The following AGBL4 variants were observed in gnomAD, a reference collection of about 807,000 sequenced individuals.
AGBL4 encodes the protein cytosolic carboxypeptidase 6.
A neutral mutation model predicts 66.4 loss-of-function variants in AGBL4; 58 were observed. The observed-to-expected ratio is 0.87, with a 90% confidence interval of 0.71 to 1.09. AGBL4 has a LOEUF of 1.09. Among genes scored for constraint, AGBL4 ranks in the 50% least tolerant of loss-of-function variants. The pLI is 0.00. For synonymous variants in AGBL4, 234 were observed against 222.9 expected (o/e 1.05, Z -0.44); for missense variants, 579 against 631.0 (o/e 0.92, Z 0.88).
intron 6 of AGBL4, among the ~76,000 whole-genome samples, chr1:48,670,249 A>G (rs1646255684): frequency 6.6e-6 from 1 of 152,218 alleles, no homozygotes; most frequent in Non-Finnish European, 1.5e-5. Flanking sequence ...AGACTCACAG[A>G]GGCCATCAGA....
chr1:48,992,774 A>G (rs1046746214), intron 5 of AGBL4, among the ~76,000 whole-genome samples: 3 of 151,982 alleles, frequency 2.0e-5, no homozygotes, highest in African/African-American at 7.3e-5. Context: ...CACAGGGCCC[A>G]TGAGGAGTAC....
chr1:49,420,422 C>T (rs769553015), intron 3 of AGBL4, among the ~76,000 whole-genome samples: 3 of 151,950 alleles, frequency 2.0e-5, no homozygotes, highest in Non-Finnish European at 2.9e-5. Flanking sequence ...CTGTATTGGC[C>T]GGGTGCAGTG....
chr1:48,837,026 ATAAG>A (rs1646692303), intron 6 of AGBL4, among the ~76,000 whole-genome samples: 2 of 148,284 alleles, frequency 1.3e-5, no homozygotes, highest in African/African-American at 2.4e-5. Flanking sequence ...ATTATATAAC[ATAAG>A]TAATATGATA....
At chr1:49,460,221 A>G (rs1263711359) in intron 3 of AGBL4, among the ~76,000 whole-genome samples, 1 of 151,626 alleles carries the variant, frequency 6.6e-6, no homozygotes, top group African/African-American at 2.4e-5. Flanking sequence ...GTTGCTATCT[A>G]CCTCATTTCT....
At chr1:48,660,767 A>C (rs1386064163) in intron 7 of AGBL4, among the ~76,000 whole-genome samples, 1 of 152,150 alleles carries the variant, frequency 6.6e-6, no homozygotes, top group Non-Finnish European at 1.5e-5. Flanking sequence ...GACTTTGGGT[A>C]AGCCATTGTG....
intron 2 of AGBL4, among the ~76,000 whole-genome samples, chr1:49,762,127 A>G (rs568176870): frequency 6.1e-4 from 93 of 152,154 alleles, no homozygotes; most frequent in African/African-American, 1.8e-3. Flanking sequence ...TGGCATTTCT[A>G]TTTTTAATTT....
In AGBL4 at chr1:49,462,413, T is replaced by C. The variant is rs1006184341; in HGVS notation, c.283-216549A>G. ...AGAGTGAGGAACCACACTGACCACA[T>C]TGAAATGAAATACAGACCAGCTGAC... On this transcript the variant is annotated intron_variant, in intron 3 of 13. Transcript: ENST00000371839. 5.9e-5 allele frequency among the ~76,000 whole-genome samples: 9 copies of C among 151,772 alleles called. No individual in the cohort carries two copies. The East Asian group carries it at 9.8e-4, about 16-fold the overall frequency.
chr1:49,697,422 AC>A lies in AGBL4; in HGVS notation c.172del (p.Val58TrpfsTer33). ...ACFESGNLGR[V>X]DQVSEFEYDL... ...ATACTCAAACTCAGAGACCTGGTCC[AC>A]CCGGCCCAGGTTACCTGGTAATAAA... On this transcript the variant is annotated frameshift_variant, in exon 3 of 14. Coordinates refer to ENST00000371839, the MANE Select transcript of AGBL4 (RefSeq NM_032785.4). LOFTEE classifies it high-confidence loss of function. 2.0e-6 allele frequency: 3 copies of A among 1,521,142 alleles called. No individual in the cohort carries two copies. In the South Asian group the frequency reaches 3.7e-5, roughly 19 times the overall value. 94.2% of individuals were successfully genotyped at this position (1,521,142 alleles called of 1,614,324 possible). A position where few individuals can be genotyped will look rare whatever the true frequency, so the allele number is the denominator to read the frequency against.
At chr1:48,759,092 C>A in intron 6 of AGBL4, 2 of 1,612,364 alleles carry the variant, frequency 1.2e-6, no homozygotes, top group Non-Finnish European at 1.7e-6. Context: ...CGCAGCAGCT[C>A]CTCATACAGA....
intron 6 of AGBL4, among the ~76,000 whole-genome samples, chr1:48,832,732 G>T (rs993359342): frequency 2.0e-5 from 3 of 152,242 alleles, no homozygotes; most frequent in East Asian, 3.9e-4. Context: ...AAAGTAGATT[G>T]TCCTCTCTGG....
chr1:49,758,475 C>T (rs1263830269), intron 2 of AGBL4, among the ~76,000 whole-genome samples: 3 of 152,052 alleles, frequency 2.0e-5, no homozygotes, highest in Non-Finnish European at 4.4e-5. Context: ...CACTCAATGC[C>T]AGCCTATGAA....
intron 3 of AGBL4, among the ~76,000 whole-genome samples, chr1:49,504,661 C>T (rs1648513157): frequency 6.6e-6 from 1 of 151,980 alleles, no homozygotes; most frequent in Admixed American, 6.6e-5. Flanking sequence ...TACAGCTACC[C>T]TTACTCTCTT....
intron 3 of AGBL4, among the ~76,000 whole-genome samples, chr1:49,459,521 C>A (rs1477386231): frequency 1.3e-5 from 2 of 151,596 alleles, no homozygotes; most frequent in East Asian, 3.9e-4. Flanking sequence ...CATTTCGTTT[C>A]TAACTGAGAT....
chr1:49,207,444 TTCTTTCTTTCTTTTTCTTTCTTTC>T lies in AGBL4; in HGVS notation c.377+38302_377+38325del, dbSNP rs1322962530. ...CACTGAGTATCTCCTTTCTTTCTTT[TTCTTTCTTTCTTTTTCTTTCTTTC>T]TCTTTCTTTCTTTTTCTTTCTTTCT... On this transcript the variant is annotated intron_variant, in intron 4 of 13. Transcript: ENST00000371839. Among the ~76,000 whole-genome samples the T allele has an allele frequency of 1.1e-3, 95 of 88,286 alleles. 2 individuals carry two copies. The highest frequency in any genetic ancestry group is 0.01 in the South Asian group (20 of 1,990). The allele number at this position is 88,286 out of a possible 152,430, so 57.9% of individuals were successfully genotyped here. A position where few individuals can be genotyped will look rare whatever the true frequency, so the allele number is the denominator to read the frequency against.
intron 3 of AGBL4, among the ~76,000 whole-genome samples, chr1:49,668,233 T>C (rs1646407049): frequency 6.6e-6 from 1 of 152,198 alleles, no homozygotes; most frequent in South Asian, 2.1e-4. Context: ...TGTAGCTTTG[T>C]AGTATTTCTT....
intron 3 of AGBL4, among the ~76,000 whole-genome samples, chr1:49,641,487 A>C (rs1044481128): frequency 1.3e-5 from 2 of 152,214 alleles, no homozygotes; most frequent in African/African-American, 2.4e-5. Context: ...TTCGTTCCAC[A>C]ATGTTTCCCA....
intron 3 of AGBL4, among the ~76,000 whole-genome samples, chr1:49,346,118 T>C (rs907464072): frequency 6.6e-6 from 1 of 152,194 alleles, no homozygotes; most frequent in African/African-American, 2.4e-5. Flanking sequence ...GACCAAAACT[T>C]ATTTTGCAAA....
intron 4 of AGBL4, among the ~76,000 whole-genome samples, chr1:49,148,426 T>G (rs1269879592): frequency 6.6e-6 from 1 of 152,170 alleles, no homozygotes; most frequent in South Asian, 2.1e-4. Context: ...ATTGTGGGTA[T>G]AATTCTGAGG....
At chr1:49,476,786 G>C (rs1213887654) in intron 3 of AGBL4, among the ~76,000 whole-genome samples, 1 of 151,938 alleles carries the variant, frequency 6.6e-6, no homozygotes, top group Non-Finnish European at 1.5e-5. Context: ...TTTACCTTAT[G>C]AGACTATAGC....
Sources: allele counts gnomAD v4.1 joint callset (sites outside exome capture counted in the v4.1 genomes callset), GRCh38; gene constraint gnomAD v4.1.1; transcripts MANE v1.5; gene names NCBI Gene and HGNC (gene_info 2026-07-23, HGNC 2026-07-21).